Variants in DPP7 observed in about 807,000 individuals in gnomAD.
DPP7 encodes dipeptidyl peptidase 7.
DPP7 carries 74 observed loss-of-function variants against 58.8 expected under a neutral mutation model. The observed-to-expected ratio is 1.26, with a 90% confidence interval of 1.04 to 1.53. The LOEUF (loss-of-function observed/expected upper bound fraction) is 1.53. Among genes scored for constraint, DPP7 ranks in the 40% most tolerant of loss-of-function variants. The pLI, the probability that DPP7 is intolerant of heterozygous loss-of-function variation, is 0.00. For missense variants in DPP7, 807 were observed against 692.3 expected, an observed-to-expected ratio of 1.17 and a Z score of -1.86; for synonymous variants, 350 against 303.6, an observed-to-expected ratio of 1.15 and a Z score of -1.59.
In DPP7 at chr9:137,112,270, G is replaced by C. The variant is rs369319584; in HGVS notation, c.932-40C>G. The C allele has an allele frequency of 5.0e-4, 770 of 1,529,564 alleles. 4 individuals carry two copies. In the South Asian group the frequency reaches 7.0e-3, roughly 14 times the overall value. The allele number at this position is 1,529,564 out of a possible 1,614,324, so 94.7% of individuals were successfully genotyped here. A position where few individuals can be genotyped will look rare whatever the true frequency, so the allele number is the denominator to read the frequency against. On this transcript the variant is annotated intron_variant, in intron 8 of 12. Transcript: ENST00000371579. ...CGCTGGGGCCCAGCGGCCACACACAGACACACCGCGGGCTCCGGCCACCAA... is the reference window on the plus strand; with the variant it reads ...CGCTGGGGCCCAGCGGCCACACACACACACACCGCGGGCTCCGGCCACCAA...
rs1170995601 is a variant in DPP7, at chr9:137,114,671, C to T, written c.43G>A (p.Gly15Arg). 8.1e-6 allele frequency: 11 copies of T among 1,359,150 alleles called. No individual in the cohort carries two copies. Among genetic ancestry groups the T allele is most frequent in the Non-Finnish European group, 9.5e-6 (10 of 1,057,526 alleles). The allele number at this position is 1,359,150 out of a possible 1,614,324, so 84.2% of individuals were successfully genotyped here. Reference protein sequence around the residue: ...PWAPVLLLALGLRGLQAGARR... With the variant: ...PWAPVLLLALRLRGLQAGARR... ...CCCCCCGCCTGGAGGCCGCGCAGCC[C>T]GAGCGCCAGCAGCAGGACCGGGGCC... Residue 15 changes from glycine (G) to arginine (R), a missense_variant, in exon 1 of 13, where the codon GGG becomes AGG. Gly to Arg is a moderately radical substitution (Grantham distance 125). Around this residue, in one of 3 missense-constraint regions of DPP7, gnomAD observed 168 missense variants for 124.1 expected, o/e 1.35. Coordinates refer to ENST00000371579, the MANE Select transcript of DPP7 (RefSeq NM_013379.3).
In DPP7 at chr9:137,114,048, AGCCCGGCCCCGCGACCCC is replaced by A; in HGVS notation, c.322-38_322-21del. On this transcript the variant is annotated intron_variant, in intron 3 of 12. Transcript: ENST00000371579. ...GTAGCGCTGGGGGAACGTGCCATTG[AGCCCGGCCCCGCGACCCC>A]GCCCGGCACCCGCGTGCCCCGCGAC... 1 of 1,336,498 alleles carries A rather than the reference AGCCCGGCCCCGCGACCCC, an allele frequency of 7.5e-7. No homozygotes were observed. The highest frequency in any genetic ancestry group is 9.6e-7 in the Non-Finnish European group (1 of 1,037,290). The allele number at this position is 1,336,498 out of a possible 1,614,324, so 82.8% of individuals were successfully genotyped here. A position where few individuals can be genotyped will look rare whatever the true frequency, so the allele number is the denominator to read the frequency against.
intron 11 of DPP7, among the ~76,000 whole-genome samples, chr9:137,111,224 G>A (rs909493428): frequency 7.2e-5 from 11 of 151,734 alleles, no homozygotes; most frequent in Admixed American, 3.3e-4. Flanking sequence ...AGGGGCCTGT[G>A]ATCCCAGCAC....
In DPP7 at chr9:137,110,682, GGCTGCT is replaced by G. The variant is rs1831312280; in HGVS notation, c.1439_1444del (p.Gln480_Gln481del). 4 of 1,609,542 alleles carry G rather than the reference GGCTGCT, an allele frequency of 2.5e-6. No homozygotes were observed. The East Asian group carries it at 8.9e-5, about 36-fold the overall frequency. ...GAGTCTGGGCCCCCCACGCAGAGCT[GGCTGCT>G]GCTCACGCCTGGCTGCCTTTACCCA... is the stretch of plus-strand genomic sequence containing the variant. On this transcript the variant is annotated inframe_deletion, in exon 13 of 13. Coordinates refer to ENST00000371579, the MANE Select transcript of DPP7 (RefSeq NM_013379.3).
chr9:137,111,316 T>A (rs112516680), intron 11 of DPP7, among the ~76,000 whole-genome samples: 1,634 of 74,268 alleles, frequency 0.022, 16 homozygotes, highest in Middle Eastern at 0.042. Flanking sequence ...GGGAGCAGGG[T>A]AGGGGCAGGC....
chr9:137,113,259 G>C lies in DPP7; in HGVS notation c.650C>G (p.Thr217Ser), dbSNP rs1831466461. Reference sequence around the variant, plus strand: ...TCGGAACGCTTCCCGCACACCCTGGGTGCATTTGGGACTCTGGCCCTCAAA... The same window carrying C: ...TCGGAACGCTTCCCGCACACCCTGGCTGCATTTGGGACTCTGGCCCTCAAA... ...ADFEGQSPKC[T>S]QGVREAFRQI... The change falls in exon 6 of 13, where the codon ACC (threonine) becomes AGC (serine). Residue 217 changes from threonine to serine, a missense_variant. Coordinates refer to ENST00000371579, the MANE Select transcript of DPP7 (RefSeq NM_013379.3). The C allele has an allele frequency of 6.2e-7, 1 of 1,613,806 alleles. No homozygotes were observed. The highest frequency in any genetic ancestry group is 8.5e-7 in the Non-Finnish European group (1 of 1,179,960).
At chr9:137,111,637 CAAAA>C (rs61364468) in intron 11 of DPP7, 49 bp downstream of exon 11, 9 of 1,352,976 alleles carry the variant, frequency 6.7e-6, no homozygotes, top group African/African-American at 5.9e-5. Context: ...GACCCTGTCT[CAAAA>C]AAAAAACAAA....
Position 137,114,445 on chromosome 9 carries a change from C to G in DPP7, c.181+18G>C. ...CGGCGGGACGGCGGGGGCGGCCGGG[C>G]CGGGGCCGGGGTCTCACCCGACACC... On this transcript the variant is annotated intron_variant, in intron 2 of 12. Coordinates refer to ENST00000371579, the MANE Select transcript of DPP7 (RefSeq NM_013379.3). 1 of 1,557,884 alleles carries G rather than the reference C, an allele frequency of 6.4e-7. No homozygotes were observed. The highest frequency in any genetic ancestry group is 8.7e-7 in the Non-Finnish European group (1 of 1,151,826).
At position 137,111,733 on chromosome 9, in the gene DPP7, A is replaced by T; in HGVS notation, c.1229T>A (p.Ile410Asn). 6.2e-7 allele frequency: 1 copy of T among 1,613,652 alleles called. No homozygotes were observed. The highest frequency in any genetic ancestry group is 1.1e-5 in the South Asian group (1 of 91,070). The part of the protein sequence containing the change: ...WGGDLRAASN[I>N]IFSNGNLDPW... ...GTCCAGGTTCCCGTTGGAGAAGATG[A>T]TGTTGCTGGCGGCTCTGAGATCTGC... is the stretch of plus-strand genomic sequence containing the variant. Residue 410 changes from isoleucine to asparagine, a missense_variant, in exon 11 of 13, where the codon ATC (isoleucine) becomes AAC (asparagine). Physicochemically the swap from Ile to Asn is moderately radical, Grantham distance 149. This residue lies in a region of DPP7 where 624 missense variants were observed against 531.2 expected (regional missense o/e 1.17). Coordinates refer to ENST00000371579, the MANE Select transcript of DPP7 (RefSeq NM_013379.3).
Position 137,113,005 on chromosome 9 carries a change from T to C in DPP7, c.818A>G (p.Asp273Gly). Residue 273 changes from aspartate to glycine, a missense_variant, in exon 7 of 13, where the codon GAC becomes GGC. By Grantham distance (94) the Asp-to-Gly change is moderately conservative. Coordinates refer to ENST00000371579, the MANE Select transcript of DPP7 (RefSeq NM_013379.3). Reference sequence around the variant, plus strand: ...CAGGAAGTCAGTGGGGTAGGGGTAGTCCATCATGGCCAGCACGGTGAAGGC... The same window carrying C: ...CAGGAAGTCAGTGGGGTAGGGGTAGCCCATCATGGCCAGCACGGTGAAGGC... ...RNAFTVLAMM[D>G]YPYPTDFLGP... The C allele has an allele frequency of 6.2e-7, 1 of 1,613,672 alleles. No homozygotes were observed.
At position 137,114,564 on chromosome 9, in the gene DPP7, G is replaced by T; in HGVS notation, c.80C>A (p.Pro27Gln). 1 of 1,549,488 alleles carries T rather than the reference G, an allele frequency of 6.5e-7. No homozygotes were observed. The highest frequency in any genetic ancestry group is 2.5e-5 in the East Asian group (1 of 39,740). The change falls in exon 2 of 13, where the codon CCG becomes CAG. Residue 27 changes from proline (P) to glutamine (Q), a missense_variant. Around this residue, in one of 3 missense-constraint regions of DPP7, gnomAD observed 168 missense variants for 124.1 expected, o/e 1.35. Coordinates refer to ENST00000371579, the MANE Select transcript of DPP7 (RefSeq NM_013379.3). Reference protein sequence around the residue: ...RGLQAGARRAPDPGFQERFFQ... With the variant: ...RGLQAGARRAQDPGFQERFFQ... Reference sequence around the variant, plus strand: ...GAAGCGCTCCTGGAAGCCGGGGTCCGGGGCCCTGCGGGCTGTGGGGGGACG... The same window carrying T: ...GAAGCGCTCCTGGAAGCCGGGGTCCTGGGCCCTGCGGGCTGTGGGGGGACG...
rs571707726 is a variant in DPP7 at position 137,111,350 on chromosome 9, C to T, written c.1272+340G>A. Reference sequence around the variant, plus strand: ...GCGAGGGGCCTGTGATCCCAGCACTCTGGGGGTGAGACGGGAGCAGGGTAG... The same window carrying T: ...GCGAGGGGCCTGTGATCCCAGCACTTTGGGGGTGAGACGGGAGCAGGGTAG... On this transcript the variant is annotated intron_variant, in intron 11 of 12. Transcript: ENST00000371579. Among the ~76,000 whole-genome samples, 6 of 148,698 alleles carry T rather than the reference C, an allele frequency of 4.0e-5. No homozygotes were observed. In the South Asian group the frequency reaches 1.3e-3, roughly 32 times the overall value.
At position 137,111,682 on chromosome 9, in the gene DPP7, G is replaced by A. The variant is rs371372857; in HGVS notation, c.1272+8C>T. The A allele has an allele frequency of 5.6e-6, 9 of 1,613,406 alleles. No homozygotes were observed. Among genetic ancestry groups the A allele is most frequent in the Non-Finnish European group, 7.6e-6 (9 of 1,179,912 alleles). ...TAACGGGGTCATAGGGCCCAGGCCA[G>A]GACTCACCCCGCCCCCTGCCCAGGG... On this transcript the variant is annotated splice_region_variant and intron_variant, in intron 11 of 12. Transcript: ENST00000371579.
chr9:137,112,923 CT>C (rs766523571), intron 7 of DPP7, 29 bp downstream of exon 7: 1 of 1,611,846 alleles, frequency 6.2e-7, no homozygotes, highest in Admixed American at 1.7e-5. Context: ...CAGCCGGCCT[CT>C]CCCTGCGCCC....
At chr9:137,112,607 G>T in intron 8 of DPP7, 138 bp downstream of exon 8, 1 of 1,059,368 alleles carries the variant, frequency 9.4e-7, no homozygotes, top group Non-Finnish European at 1.4e-6. Context: ...GGAAGGTCGT[G>T]CTGTCCACCC....
chr9:137,115,011 T>C (rs1831587517), upstream of DPP7: 1 of 273,998 alleles, frequency 3.6e-6, no homozygotes, highest in Non-Finnish European at 6.8e-6. Flanking sequence ...GGCGAGTCCC[T>C]GCTGCGCCCG....
At position 137,110,769 on chromosome 9, in the gene DPP7, T is replaced by G. The variant is rs1564319055; in HGVS notation, c.1358A>C (p.Glu453Ala). ...HHLDLRASHP[E>A]DPASVVEARK... ...CGCCTCAACCACGGAAGCAGGATCT[T>G]CTGGGTGGGAGGCTCTGGGGAGCGG... Residue 453 changes from glutamate (E) to alanine (A), a missense_variant, in exon 13 of 13, where the codon GAA (glutamate) becomes GCA (alanine). By Grantham distance (107) the Glu-to-Ala change is moderately radical (BLOSUM62 -1). Transcript: ENST00000371579. 1 of 1,605,850 alleles carries G rather than the reference T, an allele frequency of 6.2e-7. No homozygotes were observed. Among genetic ancestry groups the G allele is most frequent in the Non-Finnish European group, 8.5e-7 (1 of 1,179,732 alleles).
Position 137,114,017 on chromosome 9 carries a change from C to T in DPP7, c.333G>A (p.Gly111=). The part of the protein sequence containing the change: ...LLVFAEHRYY[G]KSLPFGAQST... ...ACTGCGCACCGAACGGCAGCGACTT[C>T]CCGTAGTAGCGCTGGGGGAACGTGC... is the stretch of plus-strand genomic sequence containing the variant. Residue 111 remains glycine, a synonymous_variant, in exon 4 of 13, where the codon GGG becomes GGA. Coordinates refer to ENST00000371579, the MANE Select transcript of DPP7 (RefSeq NM_013379.3). 1 of 1,500,388 alleles carries T rather than the reference C, an allele frequency of 6.7e-7. No homozygotes were observed. The highest frequency in any genetic ancestry group is 1.4e-5 in the African/African-American group (1 of 70,142). The allele number at this position is 1,500,388 out of a possible 1,614,324, so 92.9% of individuals were successfully genotyped here.
Position 137,112,367 on chromosome 9 carries a change from C to T in DPP7, c.932-137G>A, listed in dbSNP as rs1035315405. 1.2e-5 allele frequency: 9 copies of T among 739,632 alleles called. No homozygotes were observed. The Admixed American group carries it at 1.4e-4, about 12-fold the overall frequency. 45.8% of individuals were successfully genotyped at this position (739,632 alleles called of 1,614,324 possible). On this transcript the variant is annotated intron_variant, in intron 8 of 12. Transcript: ENST00000371579. ...ATCTGTAGGTCCCAGTGAGGAAGGC[C>T]CTCCAGGCTACCTGCTTGGAGGTCG...
Sources: gnomAD v4.1 joint callset for allele counts (sites outside exome capture counted in the v4.1 genomes callset) on GRCh38, gnomAD v4.1.1 for gene constraint, gnomAD v4.1.1 regional missense constraint, MANE v1.5 for transcripts, NCBI Gene and HGNC (gene_info 2026-07-23, HGNC 2026-07-21) for gene names.